The following PCDHGB5 variants were observed in gnomAD, a reference collection of about 807,000 sequenced individuals.
The protein encoded by PCDHGB5 is protocadherin gamma subfamily B, 5, also known as protocadherin gamma-B5.
PCDHGB5 carries 48 observed loss-of-function variants against 62.9 expected under a neutral mutation model. The ratio of observed to expected loss-of-function variants is 0.76; its 90% CI spans 0.61 to 0.97. PCDHGB5 has a LOEUF of 0.97. Ranked by LOEUF, PCDHGB5 falls within the 50% of genes least tolerant of loss-of-function variation. The pLI is 0.00. For synonymous variants in PCDHGB5, 474 were observed against 511.2 expected (o/e 0.93, Z 0.98); for missense variants, 1,118 against 1,198.6 (o/e 0.93, Z 0.99).
intron 1 of PCDHGB5, chr5:141,422,369 G>A (rs890803753): frequency 6.4e-7 from 1 of 1,566,400 alleles, no homozygotes; most frequent in Non-Finnish European, 8.6e-7. Flanking sequence ...GGAGAAAATG[G>A]TCAAGTCTCC....
At chr5:141,403,596 C>G (rs746360206) in intron 1 of PCDHGB5, 16 of 1,613,650 alleles carry the variant, frequency 9.9e-6, no homozygotes, top group African/African-American at 2.7e-5. Flanking sequence ...CTCACGGCCT[C>G]GGATGGCGGC....
At chr5:141,428,058 G>A (rs752468507) in intron 1 of PCDHGB5, 4 of 1,609,140 alleles carry the variant, frequency 2.5e-6, no homozygotes, top group South Asian at 1.1e-5. Flanking sequence ...GGTGGTGGCG[G>A]TGGACGCAGA....
rs1038145479 is a variant in PCDHGB5 at position 141,408,047 on chromosome 5, A to G, written c.2397+7523A>G. The G allele has an allele frequency of 5.6e-6, 7 of 1,243,316 alleles. No individual in the cohort carries two copies. In the African/African-American group the frequency reaches 1.1e-4, roughly 19 times the overall value. The allele number at this position is 1,243,316 out of a possible 1,614,324, so 77.0% of individuals were successfully genotyped here. On this transcript the variant is annotated intron_variant, in intron 1 of 3. Coordinates refer to ENST00000617380, the MANE Select transcript of PCDHGB5 (RefSeq NM_018925.3). ...GAAAGAAGAAAACCAGCTCCCACAC[A>G]GAGCCTCCCGGCTGCGCAGACCTTT...
intron 2 of PCDHGB5, among the ~76,000 whole-genome samples, chr5:141,504,118 G>A (rs948008198): frequency 6.6e-6 from 1 of 152,096 alleles, no homozygotes; most frequent in African/African-American, 2.4e-5. Flanking sequence ...GTGTGCCAGG[G>A]CTGTTTCCCG....
chr5:141,475,653 G>T (rs982063429), intron 1 of PCDHGB5, among the ~76,000 whole-genome samples: 2 of 152,238 alleles, frequency 1.3e-5, no homozygotes, highest in African/African-American at 2.4e-5. Context: ...CAAAGAAAGT[G>T]ATTCAAATGT....
rs749095017 is a variant in PCDHGB5, at chr5:141,489,455, G to A, written c.2398-5352G>A. 1 of 1,614,042 alleles carries A rather than the reference G, an allele frequency of 6.2e-7. No homozygotes were observed. ...CTGCAATTGGGCTCTGAGGAGAATGGGCGCTATTTTTCCCTGAGCTTGATG... is the reference window on the plus strand; with the variant it reads ...CTGCAATTGGGCTCTGAGGAGAATGAGCGCTATTTTTCCCTGAGCTTGATG... On this transcript the variant is annotated intron_variant, in intron 1 of 3. Coordinates refer to ENST00000617380, the MANE Select transcript of PCDHGB5 (RefSeq NM_018925.3). This position sits in a 1 kb window ranked among gnomAD's most constrained non-coding sequence, Gnocchi z 4.5.
intron 1 of PCDHGB5, chr5:141,427,070 G>A (rs929936578): frequency 3.1e-5 from 14 of 457,822 alleles, no homozygotes; most frequent in Non-Finnish European, 6.2e-5. Context: ...TACTAAAGGT[G>A]ACAGCCACTG....
chr5:141,470,718 G>A (rs916720866), intron 1 of PCDHGB5, among the ~76,000 whole-genome samples: 2 of 152,022 alleles, frequency 1.3e-5, no homozygotes, highest in Non-Finnish European at 2.9e-5. Flanking sequence ...ATTTTTTTGA[G>A]TCAGGGTCTT....
Position 141,490,177 on chromosome 5 carries a change from T to C in PCDHGB5, c.2398-4630T>C, listed in dbSNP as rs780298274. 12 of 1,613,622 alleles carry C rather than the reference T, an allele frequency of 7.4e-6. No individual in the cohort carries two copies. The highest frequency in any genetic ancestry group is 1.0e-5 in the Non-Finnish European group (12 of 1,179,932). On this transcript the variant is annotated intron_variant, in intron 1 of 3. Transcript: ENST00000617380. This position sits in a 1 kb window ranked among gnomAD's most constrained non-coding sequence, Gnocchi z 5.4. The stretch of plus-strand genomic sequence containing the variant: ...GTTGGGTCCCATAGACTTTGAGGAG[T>C]CACGTTTCTATGAAATTCATGCAAG...
chr5:141,422,382 T>C (rs1390444026), intron 1 of PCDHGB5: 5 of 1,585,154 alleles, frequency 3.2e-6, no homozygotes, highest in Admixed American at 1.8e-5. Context: ...AAGTCTCCTG[T>C]TTTATTCCTA....
At chr5:141,418,654 G>C (rs2096278227) in intron 1 of PCDHGB5, 1 of 1,614,016 alleles carries the variant, frequency 6.2e-7, no homozygotes, top group African/African-American at 1.3e-5. Context: ...TGAGAGTGAA[G>C]GCCACTGACC....
At chr5:141,404,142 CAGA>C (rs781433913) in intron 1 of PCDHGB5, 21 of 1,612,668 alleles carry the variant, frequency 1.3e-5, no homozygotes, top group Middle Eastern at 1.6e-4. Context: ...TTAGAAAATT[CAGA>C]AGAAGATTAT....
intron 1 of PCDHGB5, chr5:141,412,531 T>G (rs534627173): frequency 1.7e-4 from 26 of 152,304 alleles, no homozygotes; most frequent in African/African-American, 5.8e-4. Flanking sequence ...GTTACAATTA[T>G]AAAGCTTCAG....
chr5:141,498,045 A>G (rs1368474174), intron 2 of PCDHGB5, among the ~76,000 whole-genome samples: 4 of 152,256 alleles, frequency 2.6e-5, no homozygotes, highest in Non-Finnish European at 4.4e-5. Flanking sequence ...AATTACAAAA[A>G]TAAATGTGAG....
At chr5:141,505,574 C>T (rs1275802375) in intron 3 of PCDHGB5, 93 bp downstream of exon 3, 13 of 1,593,636 alleles carry the variant, frequency 8.2e-6, no homozygotes, top group Non-Finnish European at 1.1e-5. Context: ...GGATGTCAAA[C>T]CTGTGTAGTT....
rs1047637676 is a variant in PCDHGB5, at chr5:141,449,606, A to G, written c.2398-45201A>G. The stretch of plus-strand genomic sequence containing the variant: ...TCTGTCTCAAAAAAAAAAAAAAAAA[A>G]AGTAAAAAAGTTTTTTAAAAAGATG... On this transcript the variant is annotated intron_variant, in intron 1 of 3. Transcript: ENST00000617380. 3.9e-3 allele frequency among the ~76,000 whole-genome samples: 591 copies of G among 150,802 alleles called. 2 individuals carry two copies. The highest frequency in any genetic ancestry group is 0.01 in the Middle Eastern group (3 of 290).
rs1562137828 is a variant in PCDHGB5 at position 141,490,359 on chromosome 5, T to C, written c.2398-4448T>C. On this transcript the variant is annotated intron_variant, in intron 1 of 3. Transcript: ENST00000617380. This position sits in a 1 kb window ranked among gnomAD's most constrained non-coding sequence, Gnocchi z 5.4. ...TGGGCACAGTAGTGGGGTTGTTTAA[T>C]GTGCGAGACCGGGACTCAGGTAGAA... The C allele has an allele frequency of 1.9e-6, 3 of 1,614,212 alleles. No individual in the cohort carries two copies. The highest frequency in any genetic ancestry group is 2.5e-6 in the Non-Finnish European group (3 of 1,180,036).
At chr5:141,409,235 C>A (rs1471024804) in intron 1 of PCDHGB5, 1 of 1,613,832 alleles carries the variant, frequency 6.2e-7, no homozygotes, top group East Asian at 2.2e-5. Context: ...CGACAACAGC[C>A]CAGAAATAAT....
intron 1 of PCDHGB5, among the ~76,000 whole-genome samples, chr5:141,450,829 A>AT (rs373424450): frequency 7.2e-4 from 97 of 135,128 alleles, no homozygotes; most frequent in East Asian, 1.8e-3. Flanking sequence ...TATTATTATT[A>AT]TTTTTTTTTT....
Sources: allele counts gnomAD v4.1 joint callset (sites outside exome capture counted in the v4.1 genomes callset), GRCh38; gene constraint gnomAD v4.1.1; non-coding constraint Gnocchi (gnomAD v3.1); transcripts MANE v1.5; gene names NCBI Gene and HGNC (gene_info 2026-07-23, HGNC 2026-07-21).